The following MEI4 variants were observed in gnomAD, a reference collection of about 807,000 sequenced individuals.
MEI4 encodes meiosis-specific protein MEI4.
In MEI4, 27 loss-of-function variants were observed where a neutral mutation model predicts 31.4. That is an observed-to-expected ratio of 0.86 (90% CI 0.63 to 1.19). The LOEUF (loss-of-function observed/expected upper bound fraction) is 1.19, where lower values mean the gene tolerates loss of function less well. Ranked by LOEUF, MEI4 falls within the 50% of genes most tolerant of loss-of-function variation. MEI4 has a pLI of 0.00. For synonymous variants in MEI4, 122 were observed against 145.4 expected (o/e 0.84, Z 1.16); for missense variants, 329 against 398.9 (o/e 0.82, Z 1.49).
intron 4 of MEI4, among the ~76,000 whole-genome samples, chr6:77,868,893 G>A (rs1771129518): frequency 6.6e-6 from 1 of 152,042 alleles, no homozygotes; most frequent in Admixed American, 6.6e-5. Flanking sequence ...CACTGAAGTA[G>A]AAAAGAAGAG....
At chr6:77,872,361 C>T (rs1187329869) in intron 4 of MEI4, among the ~76,000 whole-genome samples, 2 of 152,044 alleles carry the variant, frequency 1.3e-5, no homozygotes, top group Admixed American at 6.6e-5. Context: ...AGGAGGATTG[C>T]TTGAGCCCTG....
chr6:77,765,789 A>G (rs1316881658), intron 3 of MEI4, among the ~76,000 whole-genome samples: 1 of 152,140 alleles, frequency 6.6e-6, no homozygotes, highest in Non-Finnish European at 1.5e-5. Context: ...AACCAACCCA[A>G]ATGTCCAACA....
intron 4 of MEI4, among the ~76,000 whole-genome samples, chr6:77,842,816 C>A (rs564729340): frequency 6.6e-6 from 1 of 152,020 alleles, no homozygotes; most frequent in South Asian, 2.1e-4. Context: ...ATAAATACAA[C>A]AAATTAGATG....
intron 1 of MEI4, among the ~76,000 whole-genome samples, chr6:77,668,447 T>A (rs986643468): frequency 1.3e-5 from 2 of 152,214 alleles, no homozygotes; most frequent in Non-Finnish European, 1.5e-5. Flanking sequence ...GGCAACAGAC[T>A]GTATTATTTC....
intron 4 of MEI4, among the ~76,000 whole-genome samples, chr6:77,830,908 A>G (rs1457687462): frequency 2.0e-5 from 3 of 151,994 alleles, no homozygotes; most frequent in Non-Finnish European, 4.4e-5. Context: ...AAATGAGAAT[A>G]TATCAAGGCA....
chr6:77,683,795 C>T (rs984291627), intron 1 of MEI4, among the ~76,000 whole-genome samples: 34 of 152,148 alleles, frequency 2.2e-4, no homozygotes, highest in Non-Finnish European at 1.3e-4. Context: ...TTGATGGACA[C>T]AGGTTGATTT....
At chr6:77,797,163 AT>A (rs1013264913) in intron 3 of MEI4, among the ~76,000 whole-genome samples, 1 of 152,246 alleles carries the variant, frequency 6.6e-6, no homozygotes, top group African/African-American at 2.4e-5. Context: ...TTGGATTCTT[AT>A]CTCACACCAT....
At chr6:77,787,071 A>T (rs2127693744) in intron 3 of MEI4, among the ~76,000 whole-genome samples, 1 of 152,260 alleles carries the variant, frequency 6.6e-6, no homozygotes, top group East Asian at 1.9e-4. Flanking sequence ...GTACCCTGAG[A>T]GAAGTTCTGC....
chr6:77,912,370 G>A (rs958726025), intron 4 of MEI4, among the ~76,000 whole-genome samples: 2 of 151,888 alleles, frequency 1.3e-5, no homozygotes, highest in African/African-American at 2.4e-5. Context: ...AATGATATTG[G>A]TATTTTAAAA....
intron 3 of MEI4, among the ~76,000 whole-genome samples, chr6:77,771,003 C>T (rs12208274): frequency 0.28 from 42,614 of 151,820 alleles, 6,746 homozygotes; most frequent in South Asian, 0.39. Flanking sequence ...AAATAGGCAC[C>T]CTACAGGAAG....
At chr6:77,821,045 A>G (rs1769812196) in intron 3 of MEI4, among the ~76,000 whole-genome samples, 1 of 151,954 alleles carries the variant, frequency 6.6e-6, no homozygotes, top group African/African-American at 2.4e-5. Context: ...TTCTCTATGT[A>G]CATTTTCCAG....
chr6:77,737,094 C>G (rs1037438138), intron 2 of MEI4, among the ~76,000 whole-genome samples: 25 of 152,174 alleles, frequency 1.6e-4, no homozygotes, highest in African/African-American at 6.0e-4. Flanking sequence ...CAGTGGAAAA[C>G]ATGCTGCATT....
intron 4 of MEI4, among the ~76,000 whole-genome samples, chr6:77,881,838 TA>T (rs1771498460): frequency 2.0e-5 from 3 of 152,278 alleles, no homozygotes; most frequent in African/African-American, 7.2e-5. Flanking sequence ...ATTTATTTTA[TA>T]TTTTTTGTGA....
chr6:77,768,861 T>C (rs1768240169), intron 3 of MEI4, among the ~76,000 whole-genome samples: 2 of 152,260 alleles, frequency 1.3e-5, no homozygotes, highest in South Asian at 4.2e-4. Context: ...TCATCTTAGT[T>C]TCTAATTGAA....
chr6:77,731,642 A>G (rs1256282621), intron 2 of MEI4, among the ~76,000 whole-genome samples: 2 of 150,918 alleles, frequency 1.3e-5, no homozygotes, highest in African/African-American at 2.4e-5. Context: ...ATTAGATCCC[A>G]TTTGTCAATT....
chr6:77,795,580 A>G (rs1034592741), intron 3 of MEI4, among the ~76,000 whole-genome samples: 14 of 152,166 alleles, frequency 9.2e-5, no homozygotes, highest in African/African-American at 3.4e-4. Flanking sequence ...TAGTATTACA[A>G]ATGAACAAGG....
Position 77,797,950 on chromosome 6 carries a change from G to A in MEI4, c.769-30981G>A, listed in dbSNP as rs761679061. 8.8e-4 allele frequency among the ~76,000 whole-genome samples: 134 copies of A among 152,208 alleles called. 2 individuals are homozygous for A. In the Middle Eastern group the frequency reaches 0.014, roughly 15 times the overall value. Reference sequence around the variant, plus strand: ...CACCTAGTATTAACCATCACACTTAGTAAAGTAAGAGTCTCACACACACAA... The same window carrying A: ...CACCTAGTATTAACCATCACACTTAATAAAGTAAGAGTCTCACACACACAA... On this transcript the variant is annotated intron_variant, in intron 3 of 4. Coordinates refer to ENST00000684080, the MANE Select transcript of MEI4 (RefSeq NM_001322247.2).
At chr6:77,867,471 C>T (rs887775395) in intron 4 of MEI4, among the ~76,000 whole-genome samples, 1 of 152,184 alleles carries the variant, frequency 6.6e-6, no homozygotes, top group South Asian at 2.1e-4. Flanking sequence ...AAAAAATGCT[C>T]ATCATCACTG....
intron 2 of MEI4, among the ~76,000 whole-genome samples, chr6:77,696,129 T>C (rs1166079320): frequency 2.6e-5 from 4 of 152,218 alleles, no homozygotes; most frequent in African/African-American, 9.6e-5. Flanking sequence ...CCTGAGACTT[T>C]GCTGAAGTTG....
Sources: gnomAD v4.1 joint callset for allele counts (sites outside exome capture counted in the v4.1 genomes callset) on GRCh38, gnomAD v4.1.1 for gene constraint, MANE v1.5 for transcripts, NCBI Gene and HGNC (gene_info 2026-07-23, HGNC 2026-07-21) for gene names.